CDH13: variants seen among roughly 807,000 people sequenced by gnomAD.
CDH13 encodes cadherin-13.
CDH13 carries 24 observed loss-of-function variants against 63.8 expected under a neutral mutation model. That is an observed-to-expected ratio of 0.38 (90% CI 0.27 to 0.53). The LOEUF (loss-of-function observed/expected upper bound fraction) is 0.53. Ranked by LOEUF, CDH13 falls within the 20% of genes least tolerant of loss-of-function variation. The pLI is 0.85. For missense variants in CDH13, 1,049 were observed against 903.1 expected, an observed-to-expected ratio of 1.16 and a Z score of -2.07; for synonymous variants, 503 against 355.3, an observed-to-expected ratio of 1.42 and a Z score of -4.67.
chr16:83,359,303 G>T (rs1453000927), intron 6 of CDH13, among the ~76,000 whole-genome samples: 5 of 152,108 alleles, frequency 3.3e-5, no homozygotes, highest in Admixed American at 3.3e-4. Flanking sequence ...TGATCATGAG[G>T]CTAATAACAA....
At chr16:83,738,900 C>T (rs781038589) in intron 10 of CDH13, among the ~76,000 whole-genome samples, 2 of 151,916 alleles carry the variant, frequency 1.3e-5, no homozygotes, top group Non-Finnish European at 2.9e-5. Flanking sequence ...AGGGAGACTC[C>T]GTCTGAAAAC....
At chr16:82,911,542 C>T (rs1159672574) in intron 2 of CDH13, among the ~76,000 whole-genome samples, 1 of 152,150 alleles carries the variant, frequency 6.6e-6, no homozygotes, top group Non-Finnish European at 1.5e-5. Flanking sequence ...AACTCTGTGT[C>T]TCCATCTGTA....
intron 6 of CDH13, among the ~76,000 whole-genome samples, chr16:83,374,976 C>T (rs187251309): frequency 6.6e-6 from 1 of 152,112 alleles, no homozygotes; most frequent in Non-Finnish European, 1.5e-5. Flanking sequence ...TGGGGATTTT[C>T]CATCTCAAGA....
chr16:83,609,482 G>A (rs1908662406), intron 8 of CDH13, among the ~76,000 whole-genome samples: 2 of 152,210 alleles, frequency 1.3e-5, no homozygotes, highest in African/African-American at 2.4e-5. Context: ...GAGCATGGAA[G>A]ATCAAATCGG....
chr16:83,763,192 G>A (rs1305720531), intron 11 of CDH13, among the ~76,000 whole-genome samples: 1 of 152,134 alleles, frequency 6.6e-6, no homozygotes, highest in African/African-American at 2.4e-5. Flanking sequence ...GCCTGCCAGT[G>A]AAAAATGTGA....
rs150623223 is a variant in CDH13, at chr16:83,208,171, C to A, written c.484-9174C>A. Among the ~76,000 whole-genome samples, 15 of 152,214 alleles carry A rather than the reference C, an allele frequency of 9.9e-5. No individual in the cohort carries two copies. In the East Asian group the frequency reaches 2.5e-3, roughly 25 times the overall value. On this transcript the variant is annotated intron_variant, in intron 4 of 13. Transcript: ENST00000567109. ...AGCTTCTGTCCTTCTCAGTGGATTGCGAGAACTTTGGCTCCATGTTTCTTC... is the reference window on the plus strand; with the variant it reads ...AGCTTCTGTCCTTCTCAGTGGATTGAGAGAACTTTGGCTCCATGTTTCTTC...
At chr16:82,838,409 A>T (rs953942959) in intron 1 of CDH13, among the ~76,000 whole-genome samples, 1 of 152,126 alleles carries the variant, frequency 6.6e-6, no homozygotes, top group Non-Finnish European at 1.5e-5. Context: ...GGGAATTACT[A>T]TATTTATTGT....
intron 2 of CDH13, among the ~76,000 whole-genome samples, chr16:82,916,431 G>A (rs556517681): frequency 4.3e-4 from 65 of 152,142 alleles, no homozygotes; most frequent in Non-Finnish European, 4.9e-4. Context: ...AAAATTAGCC[G>A]GGCATGGTGG....
At chr16:82,880,132 T>C (rs996938922) in intron 2 of CDH13, among the ~76,000 whole-genome samples, 4 of 151,930 alleles carry the variant, frequency 2.6e-5, no homozygotes, top group African/African-American at 9.7e-5. Flanking sequence ...TGATACATAC[T>C]GATCATACCT....
chr16:83,169,557 A>G (rs2037834033), intron 4 of CDH13, among the ~76,000 whole-genome samples: 1 of 143,918 alleles, frequency 6.9e-6, no homozygotes, highest in South Asian at 2.1e-4. Flanking sequence ...AAACAGTGGT[A>G]AGGTTTTTTT....
At chr16:82,971,837 G>A (rs1046842481) in intron 2 of CDH13, among the ~76,000 whole-genome samples, 4 of 152,156 alleles carry the variant, frequency 2.6e-5, no homozygotes, top group South Asian at 2.1e-4. Context: ...ATTTGAGGGG[G>A]GAAGTATCTT....
intron 7 of CDH13, among the ~76,000 whole-genome samples, chr16:83,509,917 A>C (rs8043564): frequency 0.22 from 33,909 of 152,112 alleles, 3,994 homozygotes; most frequent in South Asian, 0.27. Context: ...TCACACAGCT[A>C]CCAGCTGGCC....
intron 5 of CDH13, among the ~76,000 whole-genome samples, chr16:83,274,149 A>T (rs142189753): frequency 2.0e-5 from 3 of 152,288 alleles, no homozygotes; most frequent in East Asian, 3.9e-4. Flanking sequence ...CCCTCAAAGG[A>T]AAGACCAGTG....
At position 82,767,100 on chromosome 16, in the gene CDH13, C is replaced by T. The variant is rs1022522236; in HGVS notation, c.46-91262C>T. ...TATGCTCTCCCTCTAAATACTTCAG[C>T]ATGCATATTTTTCAGTAGAGTTCAA... On this transcript the variant is annotated intron_variant, in intron 1 of 13. Coordinates refer to ENST00000567109, the MANE Select transcript of CDH13 (RefSeq NM_001257.5). Among the ~76,000 whole-genome samples, 4 of 152,200 alleles carry T rather than the reference C, an allele frequency of 2.6e-5. No individual in the cohort carries two copies. The East Asian group carries it at 7.7e-4, about 29-fold the overall frequency.
chr16:83,518,436 C>T (rs1015426696), intron 7 of CDH13, among the ~76,000 whole-genome samples: 11 of 144,374 alleles, frequency 7.6e-5, no homozygotes, highest in South Asian at 2.2e-4. Flanking sequence ...TGAGCCACCG[C>T]GCCCGGCCAA....
At chr16:82,753,352 C>T (rs1182843576) in intron 1 of CDH13, among the ~76,000 whole-genome samples, 1 of 152,194 alleles carries the variant, frequency 6.6e-6, no homozygotes, top group African/African-American at 2.4e-5. Flanking sequence ...TTCCTCCTAC[C>T]TCTTCAGACA....
At chr16:82,868,718 T>G (rs1041361943) in intron 2 of CDH13, among the ~76,000 whole-genome samples, 2 of 152,218 alleles carry the variant, frequency 1.3e-5, no homozygotes, top group African/African-American at 2.4e-5. Context: ...TACGTCCTGT[T>G]TGGCTGCTTA....
intron 1 of CDH13, among the ~76,000 whole-genome samples, chr16:82,744,175 C>G (rs980755029): frequency 8.5e-5 from 13 of 152,216 alleles, no homozygotes; most frequent in Non-Finnish European, 1.8e-4. Context: ...ATGGCAGCCT[C>G]TGCCAGCATG....
At chr16:83,437,617 C>T (rs2072347693) in intron 6 of CDH13, among the ~76,000 whole-genome samples, 1 of 152,028 alleles carries the variant, frequency 6.6e-6, no homozygotes, top group South Asian at 2.1e-4. Context: ...GCAGAGGTTG[C>T]AGTGAGCCAA....
Sources: allele counts gnomAD v4.1 joint callset (sites outside exome capture counted in the v4.1 genomes callset), GRCh38; gene constraint gnomAD v4.1.1; transcripts MANE v1.5; gene names NCBI Gene and HGNC (gene_info 2026-07-23, HGNC 2026-07-21).